The following SOX5 variants were observed in gnomAD, a reference collection of about 807,000 sequenced individuals.
The protein encoded by SOX5 is SRY-box transcription factor 5.
SOX5 carries 9 observed loss-of-function variants against 92.0 expected under a neutral mutation model. The observed-to-expected ratio is 0.10, with a 90% CI of 0.06 to 0.17. SOX5 has a LOEUF of 0.17. SOX5 is among the 10% of genes least tolerant of loss of function. The probability of loss-of-function intolerance (pLI) is 1.00; values close to 1 mark genes in which losing one functional copy is unlikely to be tolerated. For synonymous variants in SOX5, 344 were observed against 336.3 expected (o/e 1.02, Z -0.25); for missense variants, 642 against 944.5 (o/e 0.68, Z 4.20).
rs369875431 is a variant in SOX5 at position 24,437,402 on chromosome 12, T to C, written c.-250-68763A>G. On this transcript the variant is annotated intron_variant, in intron 1 of 4. Transcript: ENST00000446891. ...AACCTAGGCAATACCATTCAGGACATAGGCATGGACAAAGACTTCATGACT... is the reference window on the plus strand; with the variant it reads ...AACCTAGGCAATACCATTCAGGACACAGGCATGGACAAAGACTTCATGACT... 2.6e-5 allele frequency among the ~76,000 whole-genome samples: 4 copies of C among 152,156 alleles called. 1 individual carries two copies. Among genetic ancestry groups the C allele is most frequent in the East Asian group, 3.9e-4 (2 of 5,190 alleles).
intron 7 of SOX5, among the ~76,000 whole-genome samples, chr12:23,659,509 T>G (rs1396693768): frequency 6.6e-6 from 1 of 152,226 alleles, no homozygotes; most frequent in Non-Finnish European, 1.5e-5. Context: ...ATATGGCTAT[T>G]TAGCACATAT....
intron 7 of SOX5, among the ~76,000 whole-genome samples, chr12:23,662,260 A>G (rs1196351937): frequency 1.3e-5 from 2 of 152,144 alleles, no homozygotes; most frequent in Non-Finnish European, 2.9e-5. Context: ...TAGGATTTTA[A>G]TAAGTAAGGA....
chr12:23,558,624 C>G (rs747048681), intron 11 of SOX5, among the ~76,000 whole-genome samples: 4 of 67,944 alleles, frequency 5.9e-5, no homozygotes, highest in Non-Finnish European at 1.5e-4. Flanking sequence ...TTTTTTGAGA[C>G]GGAGTTCCGC....
intron 3 of SOX5, among the ~76,000 whole-genome samples, chr12:23,833,767 C>G (rs1174590037): frequency 6.6e-6 from 1 of 151,544 alleles, no homozygotes; most frequent in East Asian, 1.9e-4. Context: ...GTATACATGT[C>G]AGAAGATTGG....
intron 4 of SOX5, among the ~76,000 whole-genome samples, chr12:24,080,523 A>T (rs1247462512): frequency 1.3e-5 from 2 of 152,022 alleles, no homozygotes; most frequent in Non-Finnish European, 2.9e-5. Context: ...TATGTAGACA[A>T]ATATAATTTT....
chr12:24,170,612 A>G (rs1230332516), intron 4 of SOX5, among the ~76,000 whole-genome samples: 1 of 152,234 alleles, frequency 6.6e-6, no homozygotes, highest in Non-Finnish European at 1.5e-5. Context: ...TTTGAGTGAT[A>G]AAACTTGAAA....
chr12:23,926,665 C>G (rs930917470), intron 1 of SOX5, among the ~76,000 whole-genome samples: 1 of 151,994 alleles, frequency 6.6e-6, no homozygotes, highest in Non-Finnish European at 1.5e-5. Flanking sequence ...AAAGAACTGA[C>G]ACATACATTT....
At chr12:24,090,433 A>G (rs1296127097) in intron 4 of SOX5, among the ~76,000 whole-genome samples, 2 of 152,190 alleles carry the variant, frequency 1.3e-5, no homozygotes, top group Admixed American at 6.5e-5. Context: ...TGACTAAATC[A>G]TCCCAAGAGC....
At chr12:24,126,602 T>C (rs889166212) in intron 4 of SOX5, among the ~76,000 whole-genome samples, 1 of 152,206 alleles carries the variant, frequency 6.6e-6, no homozygotes, top group African/African-American at 2.4e-5. Context: ...CACCTTTTGT[T>C]TGGAATGATG....
At chr12:24,357,951 A>G (rs180978703) in intron 2 of SOX5, among the ~76,000 whole-genome samples, 1 of 152,188 alleles carries the variant, frequency 6.6e-6, no homozygotes. Flanking sequence ...ATACTTTATT[A>G]CAATCCCTTG....
intron 1 of SOX5, among the ~76,000 whole-genome samples, chr12:23,921,984 A>G (rs918703205): frequency 3.9e-5 from 6 of 152,184 alleles, no homozygotes; most frequent in African/African-American, 1.4e-4. Context: ...GCATATAACA[A>G]TTATTTCATT....
intron 2 of SOX5, among the ~76,000 whole-genome samples, chr12:24,347,783 C>G (rs994726769): frequency 6.6e-6 from 1 of 152,130 alleles, no homozygotes; most frequent in South Asian, 2.1e-4. Context: ...TGAATTGGCA[C>G]TGCTAAGTGC....
chr12:23,987,910 T>C (rs1489918143), intron 4 of SOX5, among the ~76,000 whole-genome samples: 1 of 152,162 alleles, frequency 6.6e-6, no homozygotes, highest in East Asian at 1.9e-4. Context: ...AAAAACATCA[T>C]AGCTGCTAAG....
chr12:24,406,022 A>G (rs1962862598), intron 1 of SOX5, among the ~76,000 whole-genome samples: 1 of 152,034 alleles, frequency 6.6e-6, no homozygotes, highest in Non-Finnish European at 1.5e-5. Flanking sequence ...GAGAGACCCC[A>G]TGGACTGCAG....
chr12:23,794,112 A>G (rs2095522202), intron 3 of SOX5, among the ~76,000 whole-genome samples: 1 of 152,282 alleles, frequency 6.6e-6, no homozygotes, highest in Admixed American at 6.5e-5. Context: ...AAATATTTTA[A>G]AAGTTTTATC....
chr12:24,335,722 C>T (rs1951805479), intron 2 of SOX5, among the ~76,000 whole-genome samples: 1 of 151,864 alleles, frequency 6.6e-6, no homozygotes, highest in East Asian at 1.9e-4. Context: ...TTTTGAAAAC[C>T]AGGCAAGTGA....
chr12:24,009,572 GCT>G (rs1354313301), intron 4 of SOX5, among the ~76,000 whole-genome samples: 2 of 152,008 alleles, frequency 1.3e-5, no homozygotes, highest in Non-Finnish European at 2.9e-5. Flanking sequence ...GGAGTGACAG[GCT>G]CTATTTCAGC....
chr12:23,833,509 T>C (rs947248368), intron 3 of SOX5, among the ~76,000 whole-genome samples: 4 of 152,010 alleles, frequency 2.6e-5, no homozygotes, highest in Non-Finnish European at 5.9e-5. Context: ...AGAGAATTAT[T>C]ATCTATGGCC....
At chr12:23,894,611 G>C (rs1416418833) in intron 2 of SOX5, among the ~76,000 whole-genome samples, 1 of 152,096 alleles carries the variant, frequency 6.6e-6, no homozygotes, top group Non-Finnish European at 1.5e-5. Context: ...TGTTGAATGG[G>C]AATATTTAAA....
Sources: gnomAD v4.1 joint callset for allele counts (sites outside exome capture counted in the v4.1 genomes callset) on GRCh38, gnomAD v4.1.1 for gene constraint, MANE v1.5 for transcripts, NCBI Gene and HGNC (gene_info 2026-07-23, HGNC 2026-07-21) for gene names.